Variants in CDH13 observed in about 807,000 individuals in gnomAD.
CDH13 encodes the protein cadherin 13.
In CDH13, 24 loss-of-function variants were observed where a neutral mutation model predicts 63.8. The observed-to-expected ratio is 0.38, with a 90% confidence interval of 0.27 to 0.53. The LOEUF (loss-of-function observed/expected upper bound fraction) is 0.53, where lower values mean the gene tolerates loss of function less well. CDH13 is among the 20% of genes least tolerant of loss of function. CDH13 has a pLI of 0.85. For synonymous variants in CDH13, 503 were observed against 355.3 expected, an observed-to-expected ratio of 1.42 and a Z score of -4.67; for missense variants, 1,049 against 903.1, an observed-to-expected ratio of 1.16 and a Z score of -2.07.
intron 1 of CDH13, among the ~76,000 whole-genome samples, chr16:82,821,417 C>G (rs947146334): frequency 2.0e-5 from 3 of 152,114 alleles, no homozygotes; most frequent in Non-Finnish European, 2.9e-5. Flanking sequence ...TGGCCTATGC[C>G]CCTTGGTGAA....
chr16:83,673,400 C>T (rs1914686118), intron 9 of CDH13, among the ~76,000 whole-genome samples: 1 of 152,072 alleles, frequency 6.6e-6, no homozygotes, highest in African/African-American at 2.4e-5. Context: ...TCGCTCCAGA[C>T]CTATAACACT....
At chr16:83,741,773 G>T (rs1009238411) in intron 10 of CDH13, among the ~76,000 whole-genome samples, 1 of 152,068 alleles carries the variant, frequency 6.6e-6, no homozygotes, top group Non-Finnish European at 1.5e-5. Context: ...GCAAACATGG[G>T]TCCCCTACAT....
intron 1 of CDH13, among the ~76,000 whole-genome samples, chr16:82,706,559 G>A (rs1248484020): frequency 3.3e-5 from 5 of 151,962 alleles, no homozygotes; most frequent in East Asian, 1.9e-4. Context: ...AGAGGTCAGC[G>A]GAGGTGGGTG....
intron 2 of CDH13, among the ~76,000 whole-genome samples, chr16:82,861,888 G>A (rs978784103): frequency 6.6e-6 from 1 of 152,178 alleles, no homozygotes; most frequent in African/African-American, 2.4e-5. Flanking sequence ...GTGATGCAAA[G>A]CTCCCAACTC....
chr16:83,590,281 G>A (rs1211371631), intron 7 of CDH13, among the ~76,000 whole-genome samples: 1 of 152,208 alleles, frequency 6.6e-6, no homozygotes, highest in African/African-American at 2.4e-5. Flanking sequence ...CAAGGAAGAA[G>A]AGATGGGGAC....
chr16:82,636,661 G>A (rs114674433), intron 1 of CDH13, among the ~76,000 whole-genome samples: 1 of 151,968 alleles, frequency 6.6e-6, no homozygotes, highest in East Asian at 1.9e-4. Context: ...TTCTGTTTGT[G>A]GTGTAGTAGG....
chr16:82,777,529 G>A (rs1597545214), intron 1 of CDH13, among the ~76,000 whole-genome samples: 1 of 152,290 alleles, frequency 6.6e-6, no homozygotes, highest in Admixed American at 6.5e-5. Flanking sequence ...CTTGTCTTTT[G>A]TGACAGTTCT....
At chr16:83,554,490 CT>C (rs2075565704) in intron 7 of CDH13, among the ~76,000 whole-genome samples, 1 of 152,106 alleles carries the variant, frequency 6.6e-6, no homozygotes, top group Non-Finnish European at 1.5e-5. Flanking sequence ...TCTGCAAAAG[CT>C]GTCAGAATCA....
chr16:82,946,347 A>G (rs987456218), intron 2 of CDH13, among the ~76,000 whole-genome samples: 1 of 152,102 alleles, frequency 6.6e-6, no homozygotes, highest in African/African-American at 2.4e-5. Context: ...ATAAGTAGTA[A>G]TATTACTTAT....
chr16:82,716,429 A>G lies in CDH13; in HGVS notation c.45+89292A>G, dbSNP rs139613518. On this transcript the variant is annotated intron_variant, in intron 1 of 13. Transcript: ENST00000567109. ...CATCTCTCCCAATTGCCTTTGTAAC[A>G]CATCTGCTAAATTTAGATAAGTCAC... Among the ~76,000 whole-genome samples, 770 of 151,932 alleles carry G rather than the reference A, an allele frequency of 5.1e-3. 3 individuals carry two copies. The highest frequency in any genetic ancestry group is 0.015 in the African/African-American group (608 of 41,408).
At chr16:82,704,484 C>A (rs1007551158) in intron 1 of CDH13, among the ~76,000 whole-genome samples, 2 of 152,156 alleles carry the variant, frequency 1.3e-5, no homozygotes, top group Non-Finnish European at 2.9e-5. Context: ...TGTCTGAGGC[C>A]CATTCTTTAC....
At chr16:83,788,606 ATC>A (rs1235503518) in intron 13 of CDH13, among the ~76,000 whole-genome samples, 1 of 152,086 alleles carries the variant, frequency 6.6e-6, no homozygotes. Context: ...CCCACTTCTC[ATC>A]TCTCAACTGA....
At chr16:82,672,906 C>G (rs890402516) in intron 1 of CDH13, among the ~76,000 whole-genome samples, 1 of 151,582 alleles carries the variant, frequency 6.6e-6, no homozygotes, top group Non-Finnish European at 1.5e-5. Flanking sequence ...CTTCTACCTC[C>G]TGGGCTCAAA....
At chr16:83,308,218 T>C (rs534315238) in intron 5 of CDH13, among the ~76,000 whole-genome samples, 23 of 152,326 alleles carry the variant, frequency 1.5e-4, no homozygotes, top group Non-Finnish European at 2.9e-4. Flanking sequence ...TACCGTCAAA[T>C]TAAAGACTAG....
intron 5 of CDH13, among the ~76,000 whole-genome samples, chr16:83,299,464 C>G (rs1373595219): frequency 6.6e-6 from 1 of 152,188 alleles, no homozygotes; most frequent in African/African-American, 2.4e-5. Flanking sequence ...AACCACCATT[C>G]TTCCCCCAAG....
At chr16:83,761,258 A>G (rs889937714) in intron 11 of CDH13, among the ~76,000 whole-genome samples, 1 of 152,238 alleles carries the variant, frequency 6.6e-6, no homozygotes, top group African/African-American at 2.4e-5. Context: ...AATTTCTAGA[A>G]TCGTGCTTCA....
chr16:82,935,943 A>G (rs1267172405), intron 2 of CDH13, among the ~76,000 whole-genome samples: 1 of 152,166 alleles, frequency 6.6e-6, no homozygotes, highest in Non-Finnish European at 1.5e-5. Context: ...TGAATTTTAT[A>G]GTCAGGTTTA....
intron 11 of CDH13, among the ~76,000 whole-genome samples, chr16:83,771,293 A>T (rs1014690576): frequency 3.3e-5 from 5 of 152,242 alleles, no homozygotes; most frequent in African/African-American, 1.2e-4. Flanking sequence ...TAACCCAGGC[A>T]GGCCAGGTGG....
Position 82,662,292 on chromosome 16 carries a change from C to T in CDH13, c.45+35155C>T, listed in dbSNP as rs547478859. Among the ~76,000 whole-genome samples the T allele has an allele frequency of 2.7e-5, 4 of 146,278 alleles. No homozygotes were observed. In the South Asian group the frequency reaches 8.4e-4, roughly 31 times the overall value. Reference sequence around the variant, plus strand: ...GAGTGCAAAAAACACAGAAAGGATGCACACCAAATTGTCGGCATTAGTTAC... The same window carrying T: ...GAGTGCAAAAAACACAGAAAGGATGTACACCAAATTGTCGGCATTAGTTAC... On this transcript the variant is annotated intron_variant, in intron 1 of 13. Coordinates refer to ENST00000567109, the MANE Select transcript of CDH13 (RefSeq NM_001257.5).
Sources: allele counts gnomAD v4.1 joint callset (sites outside exome capture counted in the v4.1 genomes callset), GRCh38; gene constraint gnomAD v4.1.1; transcripts MANE v1.5; gene names NCBI Gene and HGNC (gene_info 2026-07-23, HGNC 2026-07-21).